Variants in LRP2 observed in about 807,000 individuals in gnomAD.
LRP2 encodes low-density lipoprotein receptor-related protein 2.
A neutral mutation model predicts 531.0 loss-of-function variants in LRP2; 172 were observed. The ratio of observed to expected loss-of-function variants is 0.32; its 90% CI spans 0.29 to 0.37. The LOEUF is 0.37. Ranked by LOEUF, LRP2 falls within the 10% of genes least tolerant of loss-of-function variation. LRP2 has a pLI of 1.00. For synonymous variants in LRP2, 1,992 were observed against 2,027.6 expected (o/e 0.98, Z 0.47); for missense variants, 5,167 against 5,868.3 (o/e 0.88, Z 3.90).
At chr2:169,182,594 T>C (rs1687482645) in intron 50 of LRP2, 6 of 1,316,492 alleles carry the variant, frequency 4.6e-6, no homozygotes, top group Non-Finnish European at 5.9e-6. Flanking sequence ...TGGTTTTACT[T>C]TCCTCATGCA....
At chr2:169,242,318 G>C (rs890287687) in intron 24 of LRP2, among the ~76,000 whole-genome samples, 2 of 152,174 alleles carry the variant, frequency 1.3e-5, no homozygotes, top group African/African-American at 4.8e-5. Flanking sequence ...TCCAGTCTGT[G>C]AAGATTATAG....
intron 33 of LRP2, among the ~76,000 whole-genome samples, chr2:169,224,986 G>T (rs1454547058): frequency 6.6e-6 from 1 of 152,032 alleles, no homozygotes; most frequent in African/African-American, 2.4e-5. Context: ...AGCTACTCGG[G>T]TGGCTGAGAC....
intron 4 of LRP2, among the ~76,000 whole-genome samples, chr2:169,296,974 C>G (rs1684148939): frequency 6.6e-6 from 1 of 152,146 alleles, no homozygotes; most frequent in Non-Finnish European, 1.5e-5. Flanking sequence ...CACTCTCAAT[C>G]AGCAGAGGAC....
At chr2:169,222,520 A>G (rs972450794) in intron 33 of LRP2, among the ~76,000 whole-genome samples, 2 of 152,168 alleles carry the variant, frequency 1.3e-5, no homozygotes, top group African/African-American at 4.8e-5. Context: ...GCAGAAATAA[A>G]AACAGTCATC....
chr2:169,272,072 T>C (rs1683432714), intron 15 of LRP2, among the ~76,000 whole-genome samples: 1 of 152,120 alleles, frequency 6.6e-6, no homozygotes, highest in African/African-American at 2.4e-5. Flanking sequence ...TTTCTGAATC[T>C]AAAACTACCT....
intron 52 of LRP2, 101 bp from the exon 53 acceptor site, chr2:169,178,127 T>C: frequency 1.1e-6 from 1 of 871,774 alleles, no homozygotes; most frequent in Non-Finnish European, 1.9e-6. Flanking sequence ...TTCTACCTCC[T>C]AGAGATAATA....
intron 52 of LRP2, among the ~76,000 whole-genome samples, chr2:169,179,606 G>A (rs540147895): frequency 6.6e-6 from 1 of 152,112 alleles, no homozygotes; most frequent in South Asian, 2.1e-4. Flanking sequence ...TGTAATACCA[G>A]CTCCTCAGGA....
Position 169,239,616 on chromosome 2 carries a change from T to C in LRP2, c.4205A>G (p.Gln1402Arg). 6.2e-7 allele frequency: 1 copy of C among 1,614,134 alleles called. No homozygotes were observed. Reference protein sequence around the residue: ...DECDILGSCSQHCYNMRGSFR... With the variant: ...DECDILGSCSRHCYNMRGSFR... ...AGAACCTCTCATATTGTAACAGTGC[T>C]GGCTACAAGAGCCTAGAATATCACA... is the stretch of plus-strand genomic sequence containing the variant. Residue 1402 changes from glutamine (Q) to arginine (R), a missense_variant, in exon 26 of 79, where the codon CAG becomes CGG. Gln to Arg is a conservative substitution (Grantham distance 43). Around this residue, in one of 6 missense-constraint regions of LRP2, gnomAD observed 2,811 missense variants for 3,058.0 expected, o/e 0.92. Transcript: ENST00000649046.
intron 31 of LRP2, among the ~76,000 whole-genome samples, chr2:169,231,475 T>C (rs965476318): frequency 2.0e-5 from 3 of 151,978 alleles, no homozygotes; most frequent in Admixed American, 1.3e-4. Flanking sequence ...TGAGAGAAAA[T>C]ATGAGGTTAC....
rs1274118342 is a variant in LRP2 at position 169,242,888 on chromosome 2, T to A, written c.3667+68A>T. On this transcript the variant is annotated intron_variant, in intron 24 of 78. Transcript: ENST00000649046. ...GAGTTAGGGAAAATGTGTGGCAATA[T>A]CAATATCAATACTGGCAAAAATGAA... The A allele has an allele frequency of 2.6e-6, 3 of 1,132,538 alleles. No individual in the cohort carries two copies. The South Asian group carries it at 3.7e-5, about 14-fold the overall frequency. 70.2% of individuals were successfully genotyped at this position (1,132,538 alleles called of 1,614,324 possible).
chr2:169,226,610 A>T (rs1689209070), intron 31 of LRP2, 22 bp from the exon 32 acceptor site: 1 of 1,570,956 alleles, frequency 6.4e-7, no homozygotes, highest in Admixed American at 1.7e-5. Context: ...GAAGAATATC[A>T]GTCAAAATCA....
At chr2:169,262,682 A>T (rs1473921195) in intron 16 of LRP2, among the ~76,000 whole-genome samples, 1 of 149,796 alleles carries the variant, frequency 6.7e-6, no homozygotes, top group African/African-American at 2.4e-5. Context: ...AAGGTAATTT[A>T]TAGATTCAAT....
rs1287003705 is a variant in LRP2 at position 169,243,444 on chromosome 2, C to G, written c.3509G>C (p.Gly1170Ala). 1.2e-6 allele frequency: 2 copies of G among 1,614,190 alleles called. No individual in the cohort carries two copies. Among genetic ancestry groups the G allele is most frequent in the Non-Finnish European group, 1.7e-6 (2 of 1,180,010 alleles). The change falls in exon 23 of 79, where the codon GGT (glycine) becomes GCT (alanine). Residue 1170 changes from glycine to alanine, a missense_variant. Physicochemically the swap from Gly to Ala is moderately conservative, Grantham distance 60 (BLOSUM62 0). Coordinates refer to ENST00000649046, the MANE Select transcript of LRP2 (RefSeq NM_004525.3). ...RCIDLSFVCD[G>A]DKDCVDGSDE... ...AGATCCATCAACACAATCCTTGTCA[C>G]CATCACAGACAAACGATAGGTCAAT...
At chr2:169,285,153 TAA>T (rs58043794) in intron 9 of LRP2, among the ~76,000 whole-genome samples, 356 of 134,616 alleles carry the variant, frequency 2.6e-3, no homozygotes, top group Middle Eastern at 3.8e-3. Context: ...TACTAAGAAT[TAA>T]AAAAAAAAAA....
intron 60 of LRP2, among the ~76,000 whole-genome samples, chr2:169,169,158 G>C (rs1304055317): frequency 6.6e-6 from 1 of 152,200 alleles, no homozygotes; most frequent in Non-Finnish European, 1.5e-5. Context: ...GACAGTTACT[G>C]TGTCTATGTA....
At chr2:169,301,329 C>T (rs974688852) in intron 4 of LRP2, among the ~76,000 whole-genome samples, 6 of 151,682 alleles carry the variant, frequency 4.0e-5, no homozygotes, top group Non-Finnish European at 8.8e-5. Flanking sequence ...TTAGACCCTG[C>T]ATGAGTGGTT....
In LRP2 at chr2:169,206,497, T is replaced by C. The variant is rs2105332868; in HGVS notation, c.7223A>G (p.His2408Arg). 6.2e-7 allele frequency: 1 copy of C among 1,614,220 alleles called. No homozygotes were observed. The highest frequency in any genetic ancestry group is 8.5e-7 in the Non-Finnish European group (1 of 1,180,044). ...LRSLHLDPEN[H>R]SPPFQTINVE... ...ATTTATTGTTTGGAAAGGTGGGCTA[T>C]GGTTTTCAGGGTCCAAGTGTAAGCT... Residue 2408 changes from histidine (H) to arginine (R), a missense_variant, in exon 39 of 79, where the codon CAT becomes CGT. Around this residue, in one of 6 missense-constraint regions of LRP2, gnomAD observed 2,811 missense variants for 3,058.0 expected, o/e 0.92. Transcript: ENST00000649046.
At chr2:169,277,707 A>G (rs760110377) in intron 13 of LRP2, 38 bp downstream of exon 13, 12 of 1,573,254 alleles carry the variant, frequency 7.6e-6, no homozygotes, top group Non-Finnish European at 9.6e-6. Flanking sequence ...CTTTCCCTGC[A>G]ACTTATAAAG....
intron 62 of LRP2, 127 bp downstream of exon 62, chr2:169,165,805 G>T: frequency 1.8e-6 from 2 of 1,127,064 alleles, no homozygotes; most frequent in East Asian, 2.4e-5. Context: ...AAACAATTAT[G>T]TCAGCAGAGA....
Sources: allele counts gnomAD v4.1 joint callset (sites outside exome capture counted in the v4.1 genomes callset), GRCh38; gene constraint gnomAD v4.1.1; regional missense constraint gnomAD v4.1.1; transcripts MANE v1.5; gene names NCBI Gene and HGNC (gene_info 2026-07-23, HGNC 2026-07-21).